The following TRAK1 variants were observed in gnomAD, a reference collection of about 807,000 sequenced individuals.
TRAK1 encodes trafficking kinesin-binding protein 1.
Under a neutral mutation model 92.1 loss-of-function variants are expected in TRAK1, and 33 were observed. The observed-to-expected ratio is 0.36, with a 90% CI of 0.27 to 0.48. The LOEUF is 0.48. Ranked by LOEUF, TRAK1 falls within the 20% of genes least tolerant of loss-of-function variation. TRAK1 has a pLI of 0.99. For synonymous variants in TRAK1, 521 were observed against 517.3 expected, an observed-to-expected ratio of 1.01 and a Z score of -0.10; for missense variants, 1,123 against 1,257.9, an observed-to-expected ratio of 0.89 and a Z score of 1.62.
At chr3:42,203,652 T>C (rs1707976168) in intron 13 of TRAK1, 1 of 985,230 alleles carries the variant, frequency 1.0e-6, no homozygotes, top group African/African-American at 1.7e-5. Context: ...TAAAACTCTG[T>C]GTTACACTTA....
intron 1 of TRAK1, among the ~76,000 whole-genome samples, chr3:42,020,684 T>G (rs1446463379): frequency 2.0e-5 from 3 of 152,220 alleles, no homozygotes; most frequent in Non-Finnish European, 4.4e-5. Context: ...TATGTTCAGC[T>G]TTAGTAAAAA....
At chr3:42,055,608 G>T (rs954894237) in intron 1 of TRAK1, among the ~76,000 whole-genome samples, 1 of 152,278 alleles carries the variant, frequency 6.6e-6, no homozygotes, top group African/African-American at 2.4e-5. Context: ...GATCACAGGC[G>T]TGTGCCACCA....
chr3:42,160,406 C>T (rs1346562488), intron 2 of TRAK1: 2 of 1,614,048 alleles, frequency 1.2e-6, no homozygotes, highest in Admixed American at 1.7e-5. Context: ...GTTTTGAATA[C>T]GACTGCCAGG....
At chr3:42,158,115 A>G (rs992028141) in intron 2 of TRAK1, among the ~76,000 whole-genome samples, 1 of 152,230 alleles carries the variant, frequency 6.6e-6, no homozygotes, top group Non-Finnish European at 1.5e-5. Context: ...ATTGTGTAAT[A>G]TATAGAGTCT....
chr3:42,124,707 T>A (rs1019539744), intron 1 of TRAK1, among the ~76,000 whole-genome samples: 2 of 152,172 alleles, frequency 1.3e-5, no homozygotes, highest in African/African-American at 4.8e-5. Context: ...ACTTAATAAG[T>A]GTAGTAACTG....
Position 42,030,292 on chromosome 3 carries a change from C to T in TRAK1, c.-519+16175C>T, listed in dbSNP as rs539636562. 6.0e-5 allele frequency among the ~76,000 whole-genome samples: 9 copies of T among 149,920 alleles called. 1 individual carries two copies. In the South Asian group the frequency reaches 1.1e-3, roughly 18 times the overall value. ...GGAGGATCCCTTTTGAGCTCAGGAG[C>T]GCAAGGCAGCAGTAAGCTGTGATCT... is the stretch of plus-strand genomic sequence containing the variant. On this transcript the variant is annotated intron_variant, in intron 1 of 16. Coordinates refer to the TRAK1 transcript ENST00000487159.
In TRAK1 at chr3:42,202,449, A is replaced by C; in HGVS notation, c.1441A>C (p.Ser481Arg). Residue 481 changes from serine (S) to arginine (R), a missense_variant, in exon 13 of 16, where the codon AGT (serine) becomes CGT (arginine). Physicochemically the swap from Ser to Arg is moderately radical, Grantham distance 110 (BLOSUM62 -1). Around this residue, in one of 3 missense-constraint regions of TRAK1, gnomAD observed 686 missense variants for 747.6 expected, o/e 0.92. Transcript: ENST00000327628. This position sits in a 1 kb window ranked among gnomAD's most constrained non-coding sequence, Gnocchi z 6.1. Reference protein sequence around the residue: ...EAADLGNDERSKKPGTPGTPG... With the variant: ...EAADLGNDERRKKPGTPGTPG... Reference sequence around the variant, plus strand: ...TTCTTCTTCCAGAAACGATGAGCGGAGTAAGAAGCCGGGGACGCCGGGCAC... The same window carrying C: ...TTCTTCTTCCAGAAACGATGAGCGGCGTAAGAAGCCGGGGACGCCGGGCAC... 6.7e-7 allele frequency: 1 copy of C among 1,483,972 alleles called. No homozygotes were observed. The highest frequency in any genetic ancestry group is 1.4e-5 in the African/African-American group (1 of 71,106). 91.9% of individuals were successfully genotyped at this position (1,483,972 alleles called of 1,614,324 possible). A position where few individuals can be genotyped will look rare whatever the true frequency, so the allele number is the denominator to read the frequency against.
chr3:42,170,962 T>C (rs1036871740), intron 2 of TRAK1, among the ~76,000 whole-genome samples: 1 of 152,032 alleles, frequency 6.6e-6, no homozygotes, highest in Non-Finnish European at 1.5e-5. Flanking sequence ...TGGCTGGGAC[T>C]ACAGGTGCCT....
At chr3:42,031,104 C>T (rs1702128742) in intron 1 of TRAK1, among the ~76,000 whole-genome samples, 1 of 146,534 alleles carries the variant, frequency 6.8e-6, no homozygotes, top group Non-Finnish European at 1.5e-5. Context: ...GGCGTGGTCT[C>T]GGCTCACTGC....
At chr3:42,066,425 T>C (rs1301222926) in intron 1 of TRAK1, among the ~76,000 whole-genome samples, 3 of 150,972 alleles carry the variant, frequency 2.0e-5, no homozygotes, top group Admixed American at 6.6e-5. Flanking sequence ...GGGATGGTCA[T>C]GGAGAGAGAG....
chr3:42,113,395 TA>T (rs1708743862), intron 1 of TRAK1, among the ~76,000 whole-genome samples: 2 of 26,410 alleles, frequency 7.6e-5, no homozygotes, highest in African/African-American at 3.6e-4. Flanking sequence ...CCCCTACCCC[TA>T]CCTCTACCCC....
At chr3:42,174,564 G>A (rs926009036) in intron 2 of TRAK1, among the ~76,000 whole-genome samples, 5 of 151,274 alleles carry the variant, frequency 3.3e-5, no homozygotes, top group African/African-American at 1.2e-4. Flanking sequence ...TCTGCCTCCC[G>A]GGTTCAAGTG....
chr3:42,219,795 T>TG (rs1710149185), intron 15 of TRAK1, among the ~76,000 whole-genome samples, 199 bp downstream of exon 15: 1 of 140,886 alleles, frequency 7.1e-6, no homozygotes, highest in Non-Finnish European at 1.6e-5. Flanking sequence ...TGTTTTTTTT[T>TG]TTTTTTTTTT....
chr3:42,070,979 C>T (rs1440654992), intron 1 of TRAK1, among the ~76,000 whole-genome samples: 1 of 152,188 alleles, frequency 6.6e-6, no homozygotes, highest in Non-Finnish European at 1.5e-5. Context: ...AAGTTATCTC[C>T]AGCCCTAGTT....
At chr3:42,121,585 T>G (rs1709883678) in intron 1 of TRAK1, among the ~76,000 whole-genome samples, 2 of 152,010 alleles carry the variant, frequency 1.3e-5, no homozygotes, top group Non-Finnish European at 2.9e-5. Flanking sequence ...AAGACTCTTC[T>G]GTTACGTTTA....
At chr3:42,152,320 A>G (rs1700055685) in intron 2 of TRAK1, among the ~76,000 whole-genome samples, 1 of 152,222 alleles carries the variant, frequency 6.6e-6, no homozygotes, top group Admixed American at 6.5e-5. Flanking sequence ...GAGATTTGAA[A>G]TAGCCAGCGA....
chr3:42,098,680 A>C (rs1028606792), intron 1 of TRAK1, among the ~76,000 whole-genome samples: 2 of 152,156 alleles, frequency 1.3e-5, no homozygotes, highest in African/African-American at 4.8e-5. Context: ...TTGAGGCCTT[A>C]TCTGGTCCAG....
intron 1 of TRAK1, among the ~76,000 whole-genome samples, chr3:42,063,570 C>T (rs575317171): frequency 6.1e-4 from 93 of 152,140 alleles, no homozygotes; most frequent in African/African-American, 2.1e-3. Flanking sequence ...CCTGTAGCCC[C>T]GTCTCCTTGG....
At chr3:42,149,624 A>G in intron 2 of TRAK1, 8 of 1,535,916 alleles carry the variant, frequency 5.2e-6, no homozygotes, top group Non-Finnish European at 7.0e-6. Context: ...TGCAAAACAG[A>G]GCCGGGATGT....
Sources: gnomAD v4.1 joint callset for allele counts (sites outside exome capture counted in the v4.1 genomes callset) on GRCh38, gnomAD v4.1.1 for gene constraint, gnomAD v4.1.1 regional missense constraint, Gnocchi (gnomAD v3.1) non-coding constraint, MANE v1.5 for transcripts, NCBI Gene and HGNC (gene_info 2026-07-23, HGNC 2026-07-21) for gene names.